Variants in RORB observed in about 807,000 individuals in gnomAD.
RORB encodes the protein nuclear receptor ROR-beta.
In RORB, 6 loss-of-function variants were observed where a neutral mutation model predicts 59.1. The ratio of observed to expected loss-of-function variants is 0.10; its 90% CI spans 0.06 to 0.20. RORB has a LOEUF of 0.20. RORB is among the 10% of genes least tolerant of loss of function. The pLI is 1.00. For synonymous variants in RORB, 215 were observed against 204.5 expected, an observed-to-expected ratio of 1.05 and a Z score of -0.44; for missense variants, 320 against 560.5, an observed-to-expected ratio of 0.57 and a Z score of 4.33.
At position 74,671,838 on chromosome 9, in the gene RORB, A is replaced by C; in HGVS notation, c.1161A>C (p.Lys387Asn). 1 of 1,612,958 alleles carries C rather than the reference A, an allele frequency of 6.2e-7. No homozygotes were observed. The highest frequency in any genetic ancestry group is 2.2e-5 in the East Asian group (1 of 44,816). Residue 387 changes from lysine to asparagine, a missense_variant, in exon 9 of 10, where the codon AAA becomes AAC. By Grantham distance (94) the Lys-to-Asn change is moderately conservative. Transcript: ENST00000376896. ...GGAAAGTCCAGAAGCTTCAGGAAAA[A>C]ATTTATTTTGCACTTCAACATGTGA... ...EPRKVQKLQE[K>N]IYFALQHVIQ...
chr9:74,633,013 T>C (rs1051161255), intron 2 of RORB, among the ~76,000 whole-genome samples: 1 of 152,146 alleles, frequency 6.6e-6, no homozygotes, highest in Non-Finnish European at 1.5e-5. Context: ...GCTAAGCCAG[T>C]TGGGACTCTC....
chr9:74,632,644 A>T (rs1331952329), intron 2 of RORB, among the ~76,000 whole-genome samples: 1 of 152,174 alleles, frequency 6.6e-6, no homozygotes, highest in Non-Finnish European at 1.5e-5. Flanking sequence ...TTAATGTCAA[A>T]TTGGTCTTAA....
intron 1 of RORB, among the ~76,000 whole-genome samples, chr9:74,586,990 C>A (rs1334764950): frequency 1.3e-5 from 2 of 152,150 alleles, no homozygotes; most frequent in Non-Finnish European, 2.9e-5. Flanking sequence ...TCCCTTGGTA[C>A]AGACATTAGC....
intron 1 of RORB, among the ~76,000 whole-genome samples, chr9:74,588,216 A>G (rs1354676966): frequency 6.6e-6 from 1 of 152,158 alleles, no homozygotes; most frequent in Non-Finnish European, 1.5e-5. Flanking sequence ...TAATTAAGGC[A>G]AGTCTCTCAC....
At chr9:74,586,085 C>T (rs1359836858) in intron 1 of RORB, among the ~76,000 whole-genome samples, 1 of 152,094 alleles carries the variant, frequency 6.6e-6, no homozygotes, top group Non-Finnish European at 1.5e-5. Context: ...TGAGCCACTG[C>T]GCCCAGCCTC....
rs539127017 is a variant in RORB, at chr9:74,662,773, C to G, written c.892+167C>G. On this transcript the variant is annotated intron_variant, in intron 6 of 9. Transcript: ENST00000376896. Reference sequence around the variant, plus strand: ...TCTCAGTAATAAAAATGCCCTGATACTCATTCAGTTCCCCTTTGAAGTCAA... The same window carrying G: ...TCTCAGTAATAAAAATGCCCTGATAGTCATTCAGTTCCCCTTTGAAGTCAA... Among the ~76,000 whole-genome samples, 13 of 152,272 alleles carry G rather than the reference C, an allele frequency of 8.5e-5. 2 individuals are homozygous for G. In the South Asian group the frequency reaches 2.7e-3, roughly 32 times the overall value.
intron 1 of RORB, among the ~76,000 whole-genome samples, chr9:74,621,849 T>C (rs1823425291): frequency 6.6e-6 from 1 of 152,228 alleles, no homozygotes; most frequent in African/African-American, 2.4e-5. Context: ...TTCATATGCT[T>C]ATTTTCCATT....
chr9:74,579,638 G>C (rs1392498093), intron 1 of RORB, among the ~76,000 whole-genome samples: 1 of 152,120 alleles, frequency 6.6e-6, no homozygotes, highest in Non-Finnish European at 1.5e-5. Context: ...CTGAACTTGA[G>C]AAACCCTTTC....
chr9:74,600,793 A>T (rs950132896), intron 1 of RORB, among the ~76,000 whole-genome samples: 1 of 152,206 alleles, frequency 6.6e-6, no homozygotes, highest in African/African-American at 2.4e-5. Context: ...TACCCAGTGA[A>T]TATCTAAAAT....
intron 1 of RORB, among the ~76,000 whole-genome samples, chr9:74,558,037 C>T (rs1484140307): frequency 2.0e-5 from 3 of 152,004 alleles, no homozygotes; most frequent in Non-Finnish European, 2.9e-5. Context: ...TCCTACCCTC[C>T]GGAGCAAACA....
intron 1 of RORB, among the ~76,000 whole-genome samples, chr9:74,517,343 G>T (rs945295349): frequency 6.6e-6 from 1 of 151,892 alleles, no homozygotes; most frequent in African/African-American, 2.4e-5. Flanking sequence ...GATCTAAATT[G>T]TGAAACTTAT....
intron 1 of RORB, among the ~76,000 whole-genome samples, chr9:74,619,040 G>A (rs1374936918): frequency 6.6e-6 from 1 of 152,102 alleles, no homozygotes; most frequent in Non-Finnish European, 1.5e-5. Flanking sequence ...TACAGATTAA[G>A]GCATGATTGA....
intron 1 of RORB, among the ~76,000 whole-genome samples, chr9:74,567,110 C>T (rs578215204): frequency 6.6e-6 from 1 of 152,046 alleles, no homozygotes; most frequent in African/African-American, 2.4e-5. Flanking sequence ...TCACTACAAC[C>T]TCTGCCTCCC....
At chr9:74,671,943 C>A (rs1200443998) in intron 9 of RORB, 42 bp downstream of exon 9, 3 of 1,118,492 alleles carry the variant, frequency 2.7e-6, no homozygotes, top group Middle Eastern at 2.0e-4. Context: ...CAAAAGAGAG[C>A]ACAGTGAGCA....
intron 4 of RORB, among the ~76,000 whole-genome samples, chr9:74,651,404 A>C (rs1266980183): frequency 6.6e-6 from 1 of 152,082 alleles, no homozygotes; most frequent in Non-Finnish European, 1.5e-5. Context: ...GTGTGGTGAC[A>C]CGTGCCTGTA....
intron 1 of RORB, among the ~76,000 whole-genome samples, chr9:74,591,075 G>A (rs1260037737): frequency 6.6e-6 from 1 of 152,202 alleles, no homozygotes; most frequent in Non-Finnish European, 1.5e-5. Flanking sequence ...GATTACAGGC[G>A]TGAGCCACCG....
intron 9 of RORB, among the ~76,000 whole-genome samples, chr9:74,672,682 A>T (rs570009835): frequency 1.3e-5 from 2 of 152,340 alleles, no homozygotes; most frequent in African/African-American, 4.8e-5. Context: ...GATATTCAGC[A>T]TTATTTTATA....
In RORB at chr9:74,665,549, T is replaced by G; in HGVS notation, c.954T>G (p.Val318=). ...CCTTCAACCCATTAAACAACACTGT[T>G]CTGTTTGAAGGAAAATATGGAGGAA... ...CRAFNPLNNT[V]LFEGKYGGMQ... Residue 318 remains valine, a synonymous_variant, in exon 7 of 10, where the codon GTT becomes GTG. Transcript: ENST00000376896. The G allele has an allele frequency of 6.2e-7, 1 of 1,613,380 alleles. No homozygotes were observed. Among genetic ancestry groups the G allele is most frequent in the Non-Finnish European group, 8.5e-7 (1 of 1,179,530 alleles).
chr9:74,597,424 C>T (rs1822984187), intron 1 of RORB, among the ~76,000 whole-genome samples: 1 of 152,190 alleles, frequency 6.6e-6, no homozygotes, highest in Non-Finnish European at 1.5e-5. Context: ...GCACTTGAAA[C>T]ATGCACAGAA....
Sources: allele counts gnomAD v4.1 joint callset (sites outside exome capture counted in the v4.1 genomes callset), GRCh38; gene constraint gnomAD v4.1.1; transcripts MANE v1.5; gene names NCBI Gene and HGNC (gene_info 2026-07-23, HGNC 2026-07-21).